Variants in COL5A1 observed in about 807,000 individuals in gnomAD.
The protein encoded by COL5A1 is collagen type V alpha 1 chain, also known as collagen alpha-1(V) chain.
COL5A1 carries 16 observed loss-of-function variants against 263.7 expected under a neutral mutation model. The observed-to-expected ratio is 0.06, with a 90% CI of 0.04 to 0.09. COL5A1 has a LOEUF of 0.09. COL5A1 is among the 10% of genes least tolerant of loss of function. The probability of loss-of-function intolerance (pLI) is 1.00; values close to 1 mark genes in which losing one functional copy is unlikely to be tolerated. For missense variants in COL5A1, 2,036 were observed against 2,540.5 expected (o/e 0.80, Z 4.27); for synonymous variants, 1,012 against 1,004.5 (o/e 1.01, Z -0.14).
chr9:134,735,915 A>G (rs1274958992), intron 9 of COL5A1, among the ~76,000 whole-genome samples: 2 of 152,128 alleles, frequency 1.3e-5, no homozygotes, highest in Non-Finnish European at 2.9e-5. Flanking sequence ...GTTCCCCCCA[A>G]CCGGGAGTCC....
chr9:134,794,930 A>G lies in COL5A1; in HGVS notation c.2701-152A>G, dbSNP rs1490194256. 10 of 793,692 alleles carry G rather than the reference A, an allele frequency of 1.3e-5. No homozygotes were observed. The East Asian group carries it at 2.4e-4, about 19-fold the overall frequency. The allele number at this position is 793,692 out of a possible 1,614,324, so 49.2% of individuals were successfully genotyped here. A position where few individuals can be genotyped will look rare whatever the true frequency, so the allele number is the denominator to read the frequency against. Reference sequence around the variant, plus strand: ...AGCTTCTCGCCCTGATAAATCTCCTATTAAAACACGGAAAAGGTGGGTGGC... The same window carrying G: ...AGCTTCTCGCCCTGATAAATCTCCTGTTAAAACACGGAAAAGGTGGGTGGC... On this transcript the variant is annotated intron_variant, in intron 32 of 65. Coordinates refer to ENST00000371817, the MANE Select transcript of COL5A1 (RefSeq NM_000093.5). This position sits in a 1 kb window ranked among gnomAD's most constrained non-coding sequence, Gnocchi z 4.3.
chr9:134,824,719 C>A lies in COL5A1; in HGVS notation c.4818C>A (p.Asp1606Glu). ...GNGENYVDYA[D>E]GMEEIFGSLN... is the part of the protein sequence containing the mutation. ...GCGAGAACTACGTGGACTACGCGGA[C>A]GGCATGGAAGAGATCTTCGGCTCTC... Residue 1606 changes from aspartate to glutamate, a missense_variant, in exon 62 of 66, where the codon GAC becomes GAA. By Grantham distance (45) the Asp-to-Glu change is conservative (BLOSUM62 2). Transcript: ENST00000371817. 6.2e-7 allele frequency: 1 copy of A among 1,614,202 alleles called. No homozygotes were observed.
intron 37 of COL5A1, among the ~76,000 whole-genome samples, chr9:134,801,159 G>A (rs992267187): frequency 2.0e-5 from 3 of 152,258 alleles, no homozygotes; most frequent in East Asian, 1.9e-4. Context: ...CAGAGCGGGC[G>A]TGAGATATTC....
chr9:134,709,313 G>GT (rs1833950711), intron 4 of COL5A1: 4 of 182,042 alleles, frequency 2.2e-5, no homozygotes, highest in South Asian at 4.0e-5. Context: ...CTGAGGAGGG[G>GT]TGGGGGGGCT....
chr9:134,658,620 G>A (rs1351688130), intron 1 of COL5A1, among the ~76,000 whole-genome samples: 1 of 152,206 alleles, frequency 6.6e-6, no homozygotes, highest in African/African-American at 2.4e-5. Context: ...GCTATAGTCC[G>A]AGGGCAGTGT....
chr9:134,719,761 C>A (rs1020830672), intron 4 of COL5A1, among the ~76,000 whole-genome samples: 1 of 151,994 alleles, frequency 6.6e-6, no homozygotes, highest in Non-Finnish European at 1.5e-5. Context: ...GGTAAGAGGA[C>A]GGAGGATGGG....
At chr9:134,739,743 GTTCT>G (rs1835232579) in intron 11 of COL5A1, among the ~76,000 whole-genome samples, 1 of 152,160 alleles carries the variant, frequency 6.6e-6, no homozygotes, top group South Asian at 2.1e-4. Context: ...GGACCTGGAG[GTTCT>G]TACAGGTGCT....
intron 48 of COL5A1, 95 bp downstream of exon 48, chr9:134,812,807 C>T (rs556745769): frequency 3.2e-5 from 28 of 872,534 alleles, no homozygotes; most frequent in East Asian, 1.1e-4. Context: ...TGTGTATGTG[C>T]GCATGCACAC....
chr9:134,644,594 G>GT (rs1057296913), intron 1 of COL5A1, among the ~76,000 whole-genome samples: 25 of 152,004 alleles, frequency 1.6e-4, no homozygotes, highest in African/African-American at 5.8e-4. Flanking sequence ...AGGCGCGGGG[G>GT]GGAGCCACCA....
chr9:134,750,082 C>T (rs1406101333), intron 11 of COL5A1, among the ~76,000 whole-genome samples: 1 of 152,194 alleles, frequency 6.6e-6, no homozygotes, highest in South Asian at 2.1e-4. Context: ...CAGGCACAGG[C>T]GGCTCGCTCG....
intron 26 of COL5A1, among the ~76,000 whole-genome samples, chr9:134,773,332 C>T (rs185801006): frequency 4.1e-4 from 62 of 152,230 alleles, no homozygotes; most frequent in South Asian, 1.0e-3. Context: ...CCATGCAGCA[C>T]GTCCACCAGC....
chr9:134,777,264 GT>G (rs1264808037), intron 27 of COL5A1, among the ~76,000 whole-genome samples: 3 of 152,260 alleles, frequency 2.0e-5, no homozygotes, highest in African/African-American at 4.8e-5. Context: ...GCGAAAGCCT[GT>G]CCCTCTCTGG....
Position 134,742,214 on chromosome 9 carries a change from A to G in COL5A1, c.1494+3406A>G, listed in dbSNP as rs1401985854. Among the ~76,000 whole-genome samples the G allele has an allele frequency of 6.6e-6, 1 of 151,760 alleles. No individual in the cohort carries two copies. The highest frequency in any genetic ancestry group is 1.5e-5 in the Non-Finnish European group (1 of 67,954). On this transcript the variant is annotated intron_variant, in intron 11 of 65. Transcript: ENST00000371817. This position sits in a 1 kb window ranked among gnomAD's most constrained non-coding sequence, Gnocchi z 4.6. ...CTGCATCTGCCTTCTAGCACCTCAA[A>G]TCCTTTCTTGCTCTTGTGCCCACGG...
At chr9:134,822,570 C>T (rs980058588) in intron 59 of COL5A1, among the ~76,000 whole-genome samples, 1 of 152,128 alleles carries the variant, frequency 6.6e-6, no homozygotes, top group Non-Finnish European at 1.5e-5. Flanking sequence ...CCAGCATTCC[C>T]AGGGCATCCC....
chr9:134,785,869 C>T (rs565091864), intron 30 of COL5A1, 126 bp from the exon 31 acceptor site: 157 of 835,676 alleles, frequency 1.9e-4, no homozygotes, highest in Non-Finnish European at 3.0e-4. Context: ...ATGACGTGTG[C>T]CCCCGCCTCT....
intron 2 of COL5A1, among the ~76,000 whole-genome samples, chr9:134,693,409 G>GT (rs1215454134): frequency 6.6e-6 from 1 of 152,134 alleles, no homozygotes; most frequent in African/African-American, 2.4e-5. Flanking sequence ...TTAAGTCCAT[G>GT]TTTTTTTAAG....
Position 134,723,192 on chromosome 9 carries a change from C to T in COL5A1, c.655-4074C>T, listed in dbSNP as rs562274717. Among the ~76,000 whole-genome samples the T allele has an allele frequency of 8.5e-4, 129 of 152,322 alleles. 1 individual carries two copies. Among genetic ancestry groups the T allele is most frequent in the Non-Finnish European group, 1.3e-3 (89 of 68,034 alleles). Reference sequence around the variant, plus strand: ...AGGTGCAAGCTCAGCTCCCGACGACCGCCAACCCTCAGCTGCTTCCTGCAC... The same window carrying T: ...AGGTGCAAGCTCAGCTCCCGACGACTGCCAACCCTCAGCTGCTTCCTGCAC... On this transcript the variant is annotated intron_variant, in intron 4 of 65. Transcript: ENST00000371817.
At chr9:134,705,601 C>T (rs765663712) in intron 4 of COL5A1, among the ~76,000 whole-genome samples, 2 of 152,350 alleles carry the variant, frequency 1.3e-5, no homozygotes, top group African/African-American at 2.4e-5. Context: ...ATAGGGCCAA[C>T]GCTGTCGGAT....
chr9:134,759,529 T>C (rs1181243918), intron 18 of COL5A1, among the ~76,000 whole-genome samples: 3 of 70,992 alleles, frequency 4.2e-5, no homozygotes, highest in African/African-American at 7.6e-5. Context: ...ACACACCACA[T>C]ACACCACACA....
Sources: gnomAD v4.1 joint callset for allele counts (sites outside exome capture counted in the v4.1 genomes callset) on GRCh38, gnomAD v4.1.1 for gene constraint, Gnocchi (gnomAD v3.1) non-coding constraint, MANE v1.5 for transcripts, NCBI Gene and HGNC (gene_info 2026-07-23, HGNC 2026-07-21) for gene names.